The following KIAA1328 variants were observed in gnomAD, a reference collection of about 807,000 sequenced individuals.
KIAA1328 encodes the protein protein hinderin.
Under a neutral mutation model 68.1 loss-of-function variants are expected in KIAA1328, and 52 were observed. That is an observed-to-expected ratio of 0.76 (90% CI 0.61 to 0.96). KIAA1328 has a LOEUF of 0.96. KIAA1328 is among the 40% of genes least tolerant of loss of function. The pLI is 0.00. For missense variants in KIAA1328, 641 were observed against 677.6 expected (o/e 0.95, Z 0.60); for synonymous variants, 232 against 239.4 (o/e 0.97, Z 0.28).
chr18:36,987,982 TACTC>T lies in KIAA1328; in HGVS notation c.576+28550_576+28553del, dbSNP rs60966252. Among the ~76,000 whole-genome samples, 935 of 152,358 alleles carry T rather than the reference TACTC, an allele frequency of 6.1e-3. 10 individuals are homozygous for T. The highest frequency in any genetic ancestry group is 0.021 in the African/African-American group (853 of 41,578). On this transcript the variant is annotated intron_variant, in intron 6 of 9. Coordinates refer to ENST00000280020, the MANE Select transcript of KIAA1328 (RefSeq NM_020776.3). ...ATTTTACAGTGCATGATATATTTAATACTCACAACAGAAATTTGTAAGCAGTTAG... is the reference window on the plus strand; with the variant it reads ...ATTTTACAGTGCATGATATATTTAATACAACAGAAATTTGTAAGCAGTTAG...
intron 6 of KIAA1328, chr18:37,063,727 A>G (rs780460422): frequency 1.1e-4 from 101 of 940,340 alleles, no homozygotes; most frequent in African/African-American, 2.3e-4. Context: ...ACTGAAAAAA[A>G]TTTTTTAATT....
chr18:37,038,890 C>G (rs1463094529), intron 6 of KIAA1328, among the ~76,000 whole-genome samples: 2 of 152,088 alleles, frequency 1.3e-5, no homozygotes, highest in Non-Finnish European at 2.9e-5. Flanking sequence ...AAGCTGTGTT[C>G]TTCCTAGTTT....
chr18:36,943,488 C>T (rs1363331879), intron 5 of KIAA1328, among the ~76,000 whole-genome samples: 2 of 152,094 alleles, frequency 1.3e-5, no homozygotes, highest in Non-Finnish European at 2.9e-5. Flanking sequence ...AATGTTAAGT[C>T]CAGTAGTCTT....
At chr18:36,909,698 A>G (rs1484119825) in intron 5 of KIAA1328, among the ~76,000 whole-genome samples, 1 of 152,214 alleles carries the variant, frequency 6.6e-6, no homozygotes, top group Non-Finnish European at 1.5e-5. Context: ...TAGATCCTTG[A>G]GGAATCGCCA....
chr18:37,143,835 T>G (rs938173546), intron 7 of KIAA1328, among the ~76,000 whole-genome samples: 8 of 152,112 alleles, frequency 5.3e-5, no homozygotes, highest in Admixed American at 5.2e-4. Context: ...CTGAATTTAT[T>G]TTTGAATGTT....
intron 6 of KIAA1328, among the ~76,000 whole-genome samples, chr18:37,017,444 A>G (rs1180220944): frequency 6.6e-6 from 1 of 152,080 alleles, no homozygotes; most frequent in Non-Finnish European, 1.5e-5. Context: ...TCTGTGGTTG[A>G]TGGGTCATGT....
chr18:37,150,820 G>A (rs1318124004), intron 7 of KIAA1328, among the ~76,000 whole-genome samples: 1 of 151,676 alleles, frequency 6.6e-6, no homozygotes, highest in Non-Finnish European at 1.5e-5. Flanking sequence ...ATTATAGGAA[G>A]AAAAAAAAGA....
At chr18:36,954,687 C>CTTTTTTTTTTTTTTT (rs35883053) in intron 5 of KIAA1328, among the ~76,000 whole-genome samples, 1 of 121,074 alleles carries the variant, frequency 8.3e-6, no homozygotes, top group Non-Finnish European at 1.8e-5. Context: ...AAAGACTTCA[C>CTTTTTTTTTTTTTTT]TTTTTTTTTT....
chr18:37,159,844 A>T (rs1253486392), intron 7 of KIAA1328, among the ~76,000 whole-genome samples: 1 of 152,200 alleles, frequency 6.6e-6, no homozygotes, highest in Non-Finnish European at 1.5e-5. Flanking sequence ...GTTCATTTTT[A>T]GTACTTGGAA....
intron 6 of KIAA1328, among the ~76,000 whole-genome samples, chr18:37,015,209 T>G (rs1177600693): frequency 2.0e-5 from 3 of 152,196 alleles, no homozygotes; most frequent in Non-Finnish European, 2.9e-5. Context: ...AGTTTTGTTC[T>G]TCTCCATATG....
intron 5 of KIAA1328, chr18:36,886,407 T>C (rs1477503757): frequency 6.6e-6 from 1 of 152,200 alleles, no homozygotes; most frequent in Non-Finnish European, 1.5e-5. Flanking sequence ...TTTTACTGTA[T>C]AGATGTTGTA....
intron 6 of KIAA1328, among the ~76,000 whole-genome samples, chr18:37,014,721 A>G (rs2054090999): frequency 6.6e-6 from 1 of 152,074 alleles, no homozygotes; most frequent in African/African-American, 2.4e-5. Flanking sequence ...AGAACTTGGG[A>G]CAGTACCAAG....
intron 9 of KIAA1328, among the ~76,000 whole-genome samples, chr18:37,204,773 A>C (rs1310909608): frequency 1.3e-5 from 2 of 151,826 alleles, no homozygotes; most frequent in African/African-American, 4.8e-5. Flanking sequence ...AAAAAAAAAA[A>C]AAAAAAACAC....
At chr18:36,989,538 T>C (rs1440887223) in intron 6 of KIAA1328, among the ~76,000 whole-genome samples, 1 of 151,980 alleles carries the variant, frequency 6.6e-6, no homozygotes, top group African/African-American at 2.4e-5. Context: ...CCATCCAACA[T>C]AGCTTTTTGG....
rs141796979 is a variant in KIAA1328, at chr18:37,065,863, G to A, written c.577-1027G>A. 3.9e-5 allele frequency among the ~76,000 whole-genome samples: 6 copies of A among 152,294 alleles called. No homozygotes were observed. The East Asian group carries it at 7.7e-4, about 20-fold the overall frequency. The stretch of plus-strand genomic sequence containing the variant: ...CTGAAATACACTGTGAAGAAAAGCT[G>A]CTTAGTTATACTAAGTCAGCGATGT... On this transcript the variant is annotated intron_variant, in intron 6 of 9. Coordinates refer to ENST00000280020, the MANE Select transcript of KIAA1328 (RefSeq NM_020776.3).
chr18:36,848,541 C>CTT (rs59271370), intron 4 of KIAA1328, among the ~76,000 whole-genome samples: 1,179 of 38,140 alleles, frequency 0.031, 207 homozygotes, highest in African/African-American at 0.076. Flanking sequence ...TCTATAGATG[C>CTT]TTTTTTTTTT....
intron 6 of KIAA1328, among the ~76,000 whole-genome samples, chr18:36,972,277 C>G (rs1389034141): frequency 1.3e-5 from 2 of 152,188 alleles, no homozygotes; most frequent in Non-Finnish European, 2.9e-5. Flanking sequence ...AAACATTAAT[C>G]CATCATTCAG....
intron 9 of KIAA1328, among the ~76,000 whole-genome samples, chr18:37,199,316 T>C (rs118175009): frequency 6.6e-6 from 1 of 152,274 alleles, no homozygotes; most frequent in Admixed American, 6.5e-5. Context: ...TGTTACCGTT[T>C]AGCTCCCACT....
intron 4 of KIAA1328, among the ~76,000 whole-genome samples, chr18:36,849,957 A>G (rs1280407625): frequency 4.6e-5 from 7 of 152,024 alleles, no homozygotes; most frequent in Non-Finnish European, 1.0e-4. Context: ...ATACTGAAAA[A>G]TCTTTTCATG....
Sources: gnomAD v4.1 joint callset for allele counts (sites outside exome capture counted in the v4.1 genomes callset) on GRCh38, gnomAD v4.1.1 for gene constraint, MANE v1.5 for transcripts, NCBI Gene and HGNC (gene_info 2026-07-23, HGNC 2026-07-21) for gene names.